PTPRG: variants seen among roughly 807,000 people sequenced by gnomAD.
PTPRG encodes the protein receptor-type tyrosine-protein phosphatase gamma.
Under a neutral mutation model 165.3 loss-of-function variants are expected in PTPRG, and 102 were observed. The observed-to-expected ratio is 0.62, with a 90% CI of 0.53 to 0.73. The LOEUF (loss-of-function observed/expected upper bound fraction) is 0.73, where lower values mean the gene tolerates loss of function less well. Among genes scored for constraint, PTPRG ranks in the 30% least tolerant of loss-of-function variants. The pLI is 0.00. For synonymous variants in PTPRG, 675 were observed against 669.5 expected, an observed-to-expected ratio of 1.01 and a Z score of -0.13; for missense variants, 1,866 against 1,861.4, an observed-to-expected ratio of 1.00 and a Z score of -0.05.
chr3:62,187,157 A>G (rs1699680482), intron 8 of PTPRG, among the ~76,000 whole-genome samples: 1 of 152,220 alleles, frequency 6.6e-6, no homozygotes, highest in Admixed American at 6.5e-5. Context: ...CTAGTGGGGG[A>G]GATAGATAAT....
intron 4 of PTPRG, among the ~76,000 whole-genome samples, chr3:62,017,470 C>G (rs1033242070): frequency 9.3e-5 from 14 of 151,250 alleles, no homozygotes; most frequent in African/African-American, 3.4e-4. Context: ...GGCTGGAGTG[C>G]AGTGGCGCTG....
At chr3:61,815,121 G>A (rs2035716285) in intron 2 of PTPRG, among the ~76,000 whole-genome samples, 1 of 151,922 alleles carries the variant, frequency 6.6e-6, no homozygotes, top group Non-Finnish European at 1.5e-5. Context: ...ATCTGGCTGG[G>A]CACAGTGCTT....
intron 2 of PTPRG, among the ~76,000 whole-genome samples, chr3:61,976,196 A>T (rs1426118794): frequency 6.6e-6 from 1 of 152,212 alleles, no homozygotes; most frequent in Non-Finnish European, 1.5e-5. Flanking sequence ...TTCATAATAG[A>T]TTGAAAAACC....
At chr3:61,788,915 C>T (rs1015388992) in intron 2 of PTPRG, among the ~76,000 whole-genome samples, 2 of 152,124 alleles carry the variant, frequency 1.3e-5, no homozygotes, top group African/African-American at 4.8e-5. Flanking sequence ...AGACTGGCTC[C>T]CTACCTTGGC....
In PTPRG at chr3:61,747,620, G is replaced by C. The variant is rs538059296; in HGVS notation, c.86-1258G>C. Among the ~76,000 whole-genome samples, 14 of 139,930 alleles carry C rather than the reference G, an allele frequency of 1.0e-4. No homozygotes were observed. The South Asian group carries it at 2.8e-3, about 28-fold the overall frequency. The allele number at this position is 139,930 out of a possible 152,430, so 91.8% of individuals were successfully genotyped here. ...TTTTTAATTGAAGTGTAAGCATAAAGTACTCTACAGGTTTCTTAATTTTTT... is the reference window on the plus strand; with the variant it reads ...TTTTTAATTGAAGTGTAAGCATAAACTACTCTACAGGTTTCTTAATTTTTT... On this transcript the variant is annotated intron_variant, in intron 1 of 29. Coordinates refer to ENST00000474889, the MANE Select transcript of PTPRG (RefSeq NM_002841.4).
At chr3:62,103,767 G>A (rs372374702) in intron 5 of PTPRG, among the ~76,000 whole-genome samples, 7 of 152,198 alleles carry the variant, frequency 4.6e-5, no homozygotes, top group East Asian at 3.9e-4. Flanking sequence ...ATCCATGGAC[G>A]AGGCAGAGGA....
At chr3:62,063,599 G>A (rs1418953604) in intron 4 of PTPRG, among the ~76,000 whole-genome samples, 2 of 152,180 alleles carry the variant, frequency 1.3e-5, no homozygotes, top group Admixed American at 1.3e-4. Flanking sequence ...ACACTTTTTA[G>A]TAGAGCAGCT....
chr3:61,781,335 A>G (rs1412452475), intron 2 of PTPRG, among the ~76,000 whole-genome samples: 1 of 152,240 alleles, frequency 6.6e-6, no homozygotes, highest in Non-Finnish European at 1.5e-5. Context: ...GACTAGGTAT[A>G]TGAGCATTTA....
rs549744792 is a variant in PTPRG, at chr3:61,751,716, C to T, written c.190+2734C>T. On this transcript the variant is annotated intron_variant, in intron 2 of 29. Transcript: ENST00000474889. ...TGTGAAAACATTAACATAGGCCGGGCGCAGTGGCTCACGCCTGTAATCCCA... is the reference window on the plus strand; with the variant it reads ...TGTGAAAACATTAACATAGGCCGGGTGCAGTGGCTCACGCCTGTAATCCCA... 5.9e-5 allele frequency among the ~76,000 whole-genome samples: 9 copies of T among 152,232 alleles called. No individual in the cohort carries two copies. The South Asian group carries it at 1.5e-3, about 25-fold the overall frequency.
At chr3:61,977,867 A>G (rs1304518174) in intron 2 of PTPRG, among the ~76,000 whole-genome samples, 2 of 152,214 alleles carry the variant, frequency 1.3e-5, no homozygotes, top group Non-Finnish European at 2.9e-5. Context: ...ATGGTGTAAC[A>G]TAATGCATGT....
chr3:61,932,641 GAGGGCATGGAAGCCCAGAGAGGTC>G (rs2039389561), intron 2 of PTPRG, among the ~76,000 whole-genome samples: 1 of 152,198 alleles, frequency 6.6e-6, no homozygotes, highest in African/African-American at 2.4e-5. Flanking sequence ...CTTCACAGCT[GAGGGCATGGAAGCCCAGAGAGGTC>G]ATGACACTTG....
At chr3:61,687,461 G>A (rs1703669653) in intron 1 of PTPRG, among the ~76,000 whole-genome samples, 4 of 152,210 alleles carry the variant, frequency 2.6e-5, no homozygotes, top group Admixed American at 2.6e-4. Flanking sequence ...GGACTTTGGG[G>A]CTGTACATTA....
Position 61,634,323 on chromosome 3 carries a change from C to T in PTPRG, c.85+71951C>T, listed in dbSNP as rs530890355. Among the ~76,000 whole-genome samples the T allele has an allele frequency of 5.3e-5, 8 of 151,958 alleles. 1 individual carries two copies. In the South Asian group the frequency reaches 1.3e-3, roughly 24 times the overall value. On this transcript the variant is annotated intron_variant, in intron 1 of 29. Coordinates refer to ENST00000474889, the MANE Select transcript of PTPRG (RefSeq NM_002841.4). ...TGCGATCTCGGCTCACTGCAGCCTC[C>T]GCCTCCCAGGTTCAAGCGATTCTTC...
At chr3:62,167,305 A>C (rs1160865689) in intron 7 of PTPRG, among the ~76,000 whole-genome samples, 2 of 152,188 alleles carry the variant, frequency 1.3e-5, no homozygotes, top group Non-Finnish European at 2.9e-5. Flanking sequence ...TGCAAGTCAC[A>C]CATTTAGTGA....
At chr3:62,235,145 A>G (rs963061378) in intron 14 of PTPRG, among the ~76,000 whole-genome samples, 1 of 152,202 alleles carries the variant, frequency 6.6e-6, no homozygotes, top group African/African-American at 2.4e-5. Flanking sequence ...CAGTAAATAT[A>G]ATGTGAATTT....
At chr3:61,790,550 T>C (rs2034840171) in intron 2 of PTPRG, among the ~76,000 whole-genome samples, 1 of 152,224 alleles carries the variant, frequency 6.6e-6, no homozygotes, top group African/African-American at 2.4e-5. Flanking sequence ...CTGATGTGTT[T>C]TGCTTCTTGG....
At chr3:61,861,887 T>C (rs1244753600) in intron 2 of PTPRG, among the ~76,000 whole-genome samples, 2 of 152,120 alleles carry the variant, frequency 1.3e-5, no homozygotes, top group African/African-American at 4.8e-5. Flanking sequence ...TAGAGATGCA[T>C]TATGAGTTGT....
chr3:62,203,488 G>A lies in PTPRG; in HGVS notation c.1693G>A (p.Asp565Asn), dbSNP rs754318982. ...AGAGGCCTTGGCTTCTCCAGGGCCC[G>A]ATGGTGATTCGTCACCAACCAAGGA... ...TTEALASPGP[D>N]GDSSPTKDGE... Residue 565 changes from aspartate to asparagine, a missense_variant, in exon 12 of 30, where the codon GAT (aspartate) becomes AAT (asparagine). By Grantham distance (23) the Asp-to-Asn change is conservative. Coordinates refer to ENST00000474889, the MANE Select transcript of PTPRG (RefSeq NM_002841.4). This position sits in a 1 kb window ranked among gnomAD's most constrained non-coding sequence, Gnocchi z 6.4. 11 of 1,569,652 alleles carry A rather than the reference G, an allele frequency of 7.0e-6. No individual in the cohort carries two copies. The highest frequency in any genetic ancestry group is 4.6e-5 in the South Asian group (4 of 86,514).
chr3:61,566,752 C>T (rs766890904), intron 1 of PTPRG, among the ~76,000 whole-genome samples: 2 of 152,186 alleles, frequency 1.3e-5, no homozygotes, highest in South Asian at 2.1e-4. Context: ...GGTGCTCTGC[C>T]CACCTCGGCC....
Sources: allele counts gnomAD v4.1 joint callset (sites outside exome capture counted in the v4.1 genomes callset), GRCh38; gene constraint gnomAD v4.1.1; non-coding constraint Gnocchi (gnomAD v3.1); transcripts MANE v1.5; gene names NCBI Gene and HGNC (gene_info 2026-07-23, HGNC 2026-07-21).